ASXL3: variants seen among roughly 807,000 people sequenced by gnomAD.
ASXL3 encodes putative Polycomb group protein ASXL3.
Under a neutral mutation model 170.6 loss-of-function variants are expected in ASXL3, and 34 were observed. The ratio of observed to expected loss-of-function variants is 0.20; its 90% CI spans 0.15 to 0.27. The LOEUF is 0.27. ASXL3 is among the 10% of genes least tolerant of loss of function. The probability of loss-of-function intolerance (pLI) is 1.00; values close to 1 mark genes in which losing one functional copy is unlikely to be tolerated. For missense variants in ASXL3, 2,592 were observed against 2,695.3 expected, an observed-to-expected ratio of 0.96 and a Z score of 0.85; for synonymous variants, 1,002 against 989.1, an observed-to-expected ratio of 1.01 and a Z score of -0.24.
chr18:33,650,835 G>A (rs1199797763), intron 4 of ASXL3, among the ~76,000 whole-genome samples: 2 of 152,036 alleles, frequency 1.3e-5, no homozygotes, highest in African/African-American at 4.8e-5. Flanking sequence ...GCTCACTTTT[G>A]CATCTTATTG....
rs565848563 is a variant in ASXL3 at position 33,741,007 on chromosome 18, C to A, written c.3039+564C>A. On this transcript the variant is annotated intron_variant, in intron 11 of 11. Coordinates refer to ENST00000269197, the MANE Select transcript of ASXL3 (RefSeq NM_030632.3). Reference sequence around the variant, plus strand: ...TATGCTTTATATGTAGATATAAAATCTACAAAATTTTCATTTTATGTATGA... The same window carrying A: ...TATGCTTTATATGTAGATATAAAATATACAAAATTTTCATTTTATGTATGA... 2.0e-5 allele frequency among the ~76,000 whole-genome samples: 3 copies of A among 152,154 alleles called. No homozygotes were observed. In the South Asian group the frequency reaches 6.2e-4, roughly 32 times the overall value.
In ASXL3 at chr18:33,743,222, A is replaced by C; in HGVS notation, c.3374A>C (p.Lys1125Thr). The change falls in exon 12 of 12, where the codon AAA becomes ACA. Residue 1125 changes from lysine to threonine, a missense_variant. Around this residue, in one of 4 missense-constraint regions of ASXL3, gnomAD observed 2,246 missense variants for 2,219.6 expected, o/e 1.01. Transcript: ENST00000269197. ...QARAHLFQTSKETRLPPPLSS... is the reference protein window; with the variant it reads ...QARAHLFQTSTETRLPPPLSS... ...CGAGCCCATCTCTTCCAGACCTCTAAAGAGACCCGGTTGCCTCCTCCGCTC... is the reference window on the plus strand; with the variant it reads ...CGAGCCCATCTCTTCCAGACCTCTACAGAGACCCGGTTGCCTCCTCCGCTC... 1.9e-6 allele frequency: 3 copies of C among 1,613,946 alleles called. No homozygotes were observed. In the Admixed American group the frequency reaches 5.0e-5, roughly 27 times the overall value.
intron 8 of ASXL3, among the ~76,000 whole-genome samples, chr18:33,730,129 A>G (rs553353748): frequency 2.0e-5 from 3 of 152,182 alleles, no homozygotes; most frequent in African/African-American, 4.8e-5. Flanking sequence ...ACATTTGGCC[A>G]TGTTTGGAGA....
At chr18:33,689,656 G>GCATCCTGTTAGGTGGCA (rs2066656584) in intron 8 of ASXL3, among the ~76,000 whole-genome samples, 1 of 152,150 alleles carries the variant, frequency 6.6e-6, no homozygotes, top group Non-Finnish European at 1.5e-5. Context: ...CGTTCTTCTT[G>GCATCCTGTTAGGTGGCA]CATCCTGTTA....
intron 8 of ASXL3, among the ~76,000 whole-genome samples, chr18:33,731,624 G>A (rs986819753): frequency 2.0e-5 from 3 of 152,202 alleles, no homozygotes; most frequent in South Asian, 2.1e-4. Context: ...CTTGTTATAT[G>A]TTTTAAATTC....
chr18:33,721,213 A>G (rs1251146226), intron 8 of ASXL3, among the ~76,000 whole-genome samples: 1 of 152,060 alleles, frequency 6.6e-6, no homozygotes, highest in Non-Finnish European at 1.5e-5. Flanking sequence ...GATTGATTAT[A>G]TCCTCTGCTG....
In ASXL3 at chr18:33,740,349, T is replaced by C. The variant is rs780994755; in HGVS notation, c.2945T>C (p.Ile982Thr). Residue 982 changes from isoleucine (I) to threonine (T), a missense_variant, in exon 11 of 12, where the codon ATA (isoleucine) becomes ACA (threonine). Physicochemically the swap from Ile to Thr is moderately conservative, Grantham distance 89 (BLOSUM62 -1). Around this residue, in one of 4 missense-constraint regions of ASXL3, gnomAD observed 2,246 missense variants for 2,219.6 expected, o/e 1.01. Coordinates refer to ENST00000269197, the MANE Select transcript of ASXL3 (RefSeq NM_030632.3). ...ATCTGTAAGGAAAAGAGAGCTAGGA[T>C]AGAAGATGATCAGTCAACCCGGAAC... Reference protein sequence around the residue: ...FGICKEKRARIEDDQSTRNIS... With the variant: ...FGICKEKRARTEDDQSTRNIS... 1.9e-6 allele frequency: 3 copies of C among 1,611,148 alleles called. No individual in the cohort carries two copies. The highest frequency in any genetic ancestry group is 1.7e-6 in the Non-Finnish European group (2 of 1,178,536).
chr18:33,582,740 G>GTGTGTGTT (rs1555715530), intron 1 of ASXL3, among the ~76,000 whole-genome samples: 3 of 145,434 alleles, frequency 2.1e-5, no homozygotes, highest in Admixed American at 6.9e-5. Context: ...GTGTGTGTGT[G>GTGTGTGTT]TTTTCTTGGT....
At position 33,738,694 on chromosome 18, in the gene ASXL3, T is replaced by C; in HGVS notation, c.1290T>C (p.Pro430=). The C allele has an allele frequency of 6.2e-7, 1 of 1,613,970 alleles. No individual in the cohort carries two copies. The change falls in exon 11 of 12, where the codon CCT becomes CCC. Residue 430 remains proline, a synonymous_variant. Coordinates refer to ENST00000269197, the MANE Select transcript of ASXL3 (RefSeq NM_030632.3). ...TTTGCCCTATGGTAGAAATTCCACCTAAAGATATAATGGCAGAATTGGAGT... is the reference window on the plus strand; with the variant it reads ...TTTGCCCTATGGTAGAAATTCCACCCAAAGATATAATGGCAGAATTGGAGT... The part of the protein sequence containing the change: ...ATLCPMVEIP[P]KDIMAELESE...
chr18:33,681,414 C>A (rs916163328), intron 7 of ASXL3, among the ~76,000 whole-genome samples: 4 of 152,064 alleles, frequency 2.6e-5, no homozygotes, highest in Non-Finnish European at 5.9e-5. Flanking sequence ...ATACCAAAAA[C>A]ATTCTTATAA....
intron 9 of ASXL3, 35 bp from the exon 10 acceptor site, chr18:33,734,275 C>A: frequency 7.1e-7 from 1 of 1,414,496 alleles, no homozygotes; most frequent in South Asian, 1.4e-5. Context: ...AAGATGTGAC[C>A]ACATTTATTC....
rs370832996 is a variant in ASXL3, at chr18:33,737,739, CAGTT to C, written c.1083-745_1083-742del. Among the ~76,000 whole-genome samples, 113 of 152,222 alleles carry C rather than the reference CAGTT, an allele frequency of 7.4e-4. 1 individual carries two copies. In the East Asian group the frequency reaches 0.02, roughly 27 times the overall value. ...AATTTGCATGTTGTCTTAGGTTAGACAGTTAGATGCCAAAATAAGGTGATTGAGT... is the reference window on the plus strand; with the variant it reads ...AATTTGCATGTTGTCTTAGGTTAGACAGATGCCAAAATAAGGTGATTGAGT... On this transcript the variant is annotated intron_variant, in intron 10 of 11. Coordinates refer to ENST00000269197, the MANE Select transcript of ASXL3 (RefSeq NM_030632.3).
intron 8 of ASXL3, among the ~76,000 whole-genome samples, chr18:33,696,681 A>T (rs2145315954): frequency 6.6e-6 from 1 of 152,094 alleles, no homozygotes; most frequent in East Asian, 1.9e-4. Flanking sequence ...AGCACATCTC[A>T]ATATCATTCT....
chr18:33,659,730 A>G (rs10502625), intron 4 of ASXL3, among the ~76,000 whole-genome samples: 12,423 of 152,202 alleles, frequency 0.082, 576 homozygotes, highest in African/African-American at 0.1. Context: ...CCTAGGAAGC[A>G]TAGTTTATGT....
chr18:33,596,800 C>G (rs1292599364), intron 1 of ASXL3, among the ~76,000 whole-genome samples: 3 of 152,174 alleles, frequency 2.0e-5, no homozygotes, highest in Admixed American at 6.5e-5. Context: ...TTCTTTCTCT[C>G]TCTGTTTCAT....
chr18:33,582,079 T>G (rs2064997830), intron 1 of ASXL3, among the ~76,000 whole-genome samples: 6 of 152,204 alleles, frequency 3.9e-5, no homozygotes, highest in Admixed American at 3.3e-4. Flanking sequence ...AGATGCATTT[T>G]CATCTGTTTT....
chr18:33,744,386 C>T lies in ASXL3; in HGVS notation c.4538C>T (p.Pro1513Leu). 6.2e-7 allele frequency: 1 copy of T among 1,613,854 alleles called. No homozygotes were observed. The highest frequency in any genetic ancestry group is 8.5e-7 in the Non-Finnish European group (1 of 1,179,814). The stretch of plus-strand genomic sequence containing the variant: ...GTGAGGACAGAGGCATCCGTACAGC[C>T]CGTGGCGTGTCCTCAGGTGTCTGTG... The part of the protein sequence containing the change: ...RPVRTEASVQ[P>L]VACPQVSVIS... Residue 1513 changes from proline to leucine, a missense_variant, in exon 12 of 12, where the codon CCC becomes CTC. Physicochemically the swap from Pro to Leu is moderately conservative, Grantham distance 98. This residue lies in a region of ASXL3 where 2,246 missense variants were observed against 2,219.6 expected (regional missense o/e 1.01). Coordinates refer to ENST00000269197, the MANE Select transcript of ASXL3 (RefSeq NM_030632.3).
intron 2 of ASXL3, 79 bp downstream of exon 2, chr18:33,607,755 A>T (rs2065271902): frequency 9.6e-7 from 1 of 1,038,286 alleles, no homozygotes; most frequent in Non-Finnish European, 1.4e-6. Flanking sequence ...AGGTGTATCT[A>T]GATTTTGATA....
intron 9 of ASXL3, 123 bp from the exon 10 acceptor site, chr18:33,734,184 TATC>T (rs1295138772): frequency 1.3e-5 from 7 of 526,096 alleles, no homozygotes; most frequent in Non-Finnish European, 1.3e-5. Flanking sequence ...GTAGAAATGT[TATC>T]ATTATTTGTC....
Sources: gnomAD v4.1 joint callset for allele counts (sites outside exome capture counted in the v4.1 genomes callset) on GRCh38, gnomAD v4.1.1 for gene constraint, gnomAD v4.1.1 regional missense constraint, MANE v1.5 for transcripts, NCBI Gene and HGNC (gene_info 2026-07-23, HGNC 2026-07-21) for gene names.